The following STAM variants were observed in gnomAD, a reference collection of about 807,000 sequenced individuals.
The protein encoded by STAM is signal transducing adapter molecule 1.
A neutral mutation model predicts 63.4 loss-of-function variants in STAM; 16 were observed. That is an observed-to-expected ratio of 0.25 (90% CI 0.17 to 0.38). The LOEUF (loss-of-function observed/expected upper bound fraction) is 0.38. STAM is among the 10% of genes least tolerant of loss of function. The probability of loss-of-function intolerance (pLI) is 1.00; values close to 1 mark genes in which losing one functional copy is unlikely to be tolerated. For missense variants in STAM, 636 were observed against 657.1 expected (o/e 0.97, Z 0.35); for synonymous variants, 238 against 223.9 (o/e 1.06, Z -0.56).
chr10:17,716,155 A>G lies in STAM; in HGVS notation c.*1375A>G, dbSNP rs1836805528. On this transcript the variant is annotated 3_prime_UTR_variant, in exon 14 of 14. Transcript: ENST00000377524. Reference sequence around the variant, plus strand: ...ACTATTATTTTAGCACTATTTAAACAACGGAAAAGTTGAGTCGAACATCAT... The same window carrying G: ...ACTATTATTTTAGCACTATTTAAACGACGGAAAAGTTGAGTCGAACATCAT... Among the ~76,000 whole-genome samples the G allele has an allele frequency of 6.6e-6, 1 of 151,784 alleles. No homozygotes were observed.
In STAM at chr10:17,683,668, A is replaced by G. The variant is rs568146567; in HGVS notation, c.126-1007A>G. Among the ~76,000 whole-genome samples the G allele has an allele frequency of 4.0e-5, 6 of 151,840 alleles. No homozygotes were observed. In the South Asian group the frequency reaches 1.2e-3, roughly 32 times the overall value. On this transcript the variant is annotated intron_variant, in intron 2 of 13. Transcript: ENST00000377524. ...TAGACTTTTATCTGGGCCCTTTTTA[A>G]TATATTTCTTCATCATTATGTGGAT...
intron 8 of STAM, among the ~76,000 whole-genome samples, chr10:17,697,454 A>C (rs1554827744): frequency 6.6e-6 from 1 of 152,234 alleles, no homozygotes; most frequent in Admixed American, 6.5e-5. Context: ...AACATGTCAG[A>C]TATTCAGAAG....
intron 2 of STAM, chr10:17,672,904 A>C: frequency 3.5e-5 from 12 of 346,364 alleles, no homozygotes; most frequent in Non-Finnish European, 4.9e-5. Context: ...GGGAAAAGTG[A>C]GAGATAATTC....
At chr10:17,685,004 AGGACTATTCTGTGC>A in intron 4 of STAM, 77 bp downstream of exon 4, 1 of 1,196,380 alleles carries the variant, frequency 8.4e-7, no homozygotes, top group Non-Finnish European at 1.2e-6. Context: ...ATCTTCACAG[AGGACTATTCTGTGC>A]TTTTTAAGAA....
At chr10:17,703,023 A>AGAAAAG (rs1262378395) in intron 9 of STAM, among the ~76,000 whole-genome samples, 1 of 114,216 alleles carries the variant, frequency 8.8e-6, no homozygotes, top group African/African-American at 3.1e-5. Context: ...AAAAAAAAAA[A>AGAAAAG]AAAAGAAAAG....
chr10:17,651,344 G>A (rs746019172), intron 1 of STAM, among the ~76,000 whole-genome samples: 1 of 152,134 alleles, frequency 6.6e-6, no homozygotes, highest in Non-Finnish European at 1.5e-5. Flanking sequence ...ACTTAGCATA[G>A]CACCTGGCAT....
At chr10:17,707,637 A>G (rs1200540524) in intron 12 of STAM, among the ~76,000 whole-genome samples, 1 of 151,982 alleles carries the variant, frequency 6.6e-6, no homozygotes, top group Non-Finnish European at 1.5e-5. Flanking sequence ...TTCATGTTCA[A>G]TTTTCGAAGA....
At chr10:17,672,080 G>C (rs368590006) in intron 2 of STAM, among the ~76,000 whole-genome samples, 1 of 152,104 alleles carries the variant, frequency 6.6e-6, no homozygotes, top group African/African-American at 2.4e-5. Context: ...TACAGCATAG[G>C]ATGTCACAAA....
chr10:17,712,422 A>C (rs782793266), intron 13 of STAM, among the ~76,000 whole-genome samples: 3 of 152,226 alleles, frequency 2.0e-5, no homozygotes, highest in Non-Finnish European at 4.4e-5. Flanking sequence ...ACACATATGG[A>C]GTGATGACAA....
chr10:17,706,941 A>G (rs182237443), intron 12 of STAM, among the ~76,000 whole-genome samples: 2 of 152,338 alleles, frequency 1.3e-5, no homozygotes, highest in East Asian at 3.9e-4. Context: ...TTACAAACCA[A>G]CAAAATATAT....
At chr10:17,679,339 G>A (rs1040007544) in intron 2 of STAM, among the ~76,000 whole-genome samples, 5 of 152,100 alleles carry the variant, frequency 3.3e-5, no homozygotes, top group African/African-American at 1.2e-4. Flanking sequence ...TTTGTTATGT[G>A]CTTATTGGCC....
chr10:17,704,326 T>G, intron 9 of STAM, 105 bp from the exon 10 acceptor site: 1 of 957,762 alleles, frequency 1.0e-6, no homozygotes, highest in Non-Finnish European at 1.6e-6. Context: ...AATTGGAGTC[T>G]CCATAACTAT....
intron 1 of STAM, among the ~76,000 whole-genome samples, chr10:17,648,370 A>G (rs1833600028): frequency 6.6e-6 from 1 of 152,192 alleles, no homozygotes; most frequent in Admixed American, 6.5e-5. Flanking sequence ...TGTAAAATGA[A>G]CCAATCAGCA....
intron 2 of STAM, among the ~76,000 whole-genome samples, chr10:17,681,197 C>CT (rs201425906): frequency 0.3 from 36,627 of 123,552 alleles, 5,657 homozygotes; most frequent in Admixed American, 0.4. Context: ...TTGAGATCGT[C>CT]TTTTTTTTTT....
At chr10:17,656,758 C>A (rs1190265882) in intron 1 of STAM, among the ~76,000 whole-genome samples, 5 of 152,154 alleles carry the variant, frequency 3.3e-5, no homozygotes, top group Non-Finnish European at 7.3e-5. Context: ...AGAAAGAATT[C>A]ATCTAAGGGG....
At position 17,660,528 on chromosome 10, in the gene STAM, A is replaced by C; in HGVS notation, c.105A>C (p.Lys35Asn). 6.2e-7 allele frequency: 1 copy of C among 1,605,380 alleles called. No homozygotes were observed. Among genetic ancestry groups the C allele is most frequent in the East Asian group, 2.3e-5 (1 of 44,076 alleles). The change falls in exon 2 of 14, where the codon AAA becomes AAC. Residue 35 changes from lysine (K) to asparagine (N), a missense_variant. By Grantham distance (94) the Lys-to-Asn change is moderately conservative (BLOSUM62 0). This residue lies in a region of STAM where 87 missense variants were observed against 80.3 expected (regional missense o/e 1.08). Transcript: ENST00000377524. ...DWGLILDICD[K>N]VGQSRTGPKD... ...GCCTCATTTTGGATATCTGTGATAA[A>C]GTTGGTCAGTCTCGCACTGGGTAAG...
chr10:17,705,511 A>G lies in STAM; in HGVS notation c.1056-77A>G, dbSNP rs532353353. 4.3e-5 allele frequency: 64 copies of G among 1,484,728 alleles called. No homozygotes were observed. In the African/African-American group the frequency reaches 8.4e-4, roughly 20 times the overall value. The allele number at this position is 1,484,728 out of a possible 1,614,324, so 92.0% of individuals were successfully genotyped here. ...AGTACTACTTTTTGCCATTTTTGAT[A>G]TTTTGATGTATCATTATTTAGAGCA... On this transcript the variant is annotated intron_variant, in intron 11 of 13. Transcript: ENST00000377524.
chr10:17,692,642 G>A (rs1286916354), intron 5 of STAM, among the ~76,000 whole-genome samples: 1 of 152,152 alleles, frequency 6.6e-6, no homozygotes, highest in Non-Finnish European at 1.5e-5. Flanking sequence ...TGTTTGTTGT[G>A]TATTCCCTTA....
In STAM at chr10:17,715,941, A is replaced by G. The variant is rs1836796792; in HGVS notation, c.*1161A>G. 1 of 152,524 alleles carries G rather than the reference A, an allele frequency of 6.6e-6. No homozygotes were observed. Among genetic ancestry groups the G allele is most frequent in the African/African-American group, 2.4e-5 (1 of 41,416 alleles). 9.4% of individuals were successfully genotyped at this position (152,524 alleles called of 1,614,324 possible). On this transcript the variant is annotated 3_prime_UTR_variant, in exon 14 of 14. Coordinates refer to ENST00000377524, the MANE Select transcript of STAM (RefSeq NM_003473.4). ...ATTCCTGGCTTTGCTTAACGTTTAT[A>G]TAGGTATTGTTTTCTTTCACACTGG...
Sources: allele counts gnomAD v4.1 joint callset (sites outside exome capture counted in the v4.1 genomes callset), GRCh38; gene constraint gnomAD v4.1.1; regional missense constraint gnomAD v4.1.1; transcripts MANE v1.5; gene names NCBI Gene and HGNC (gene_info 2026-07-23, HGNC 2026-07-21).